Variants in AOX1 observed in about 807,000 individuals in gnomAD.
The protein encoded by AOX1 is aldehyde oxidase.
A neutral mutation model predicts 169.5 loss-of-function variants in AOX1; 153 were observed. The ratio of observed to expected loss-of-function variants is 0.90; its 90% CI spans 0.79 to 1.03. AOX1 has a LOEUF of 1.03. Among genes scored for constraint, AOX1 ranks in the 50% least tolerant of loss-of-function variants. The pLI, the probability that AOX1 is intolerant of heterozygous loss-of-function variation, is 0.00. For missense variants in AOX1, 1,656 were observed against 1,663.9 expected (o/e 1.00, Z 0.08); for synonymous variants, 562 against 581.9 (o/e 0.97, Z 0.49).
At chr2:200,660,106 G>A (rs1229484800) in intron 29 of AOX1, 37 bp downstream of exon 29, 1 of 1,553,586 alleles carries the variant, frequency 6.4e-7, no homozygotes, top group Admixed American at 1.7e-5. Flanking sequence ...TATTTTAGAA[G>A]AAAAAGGAGT....
intron 30 of AOX1, 29 bp from the exon 31 acceptor site, chr2:200,662,826 C>T (rs749449199): frequency 6.4e-7 from 1 of 1,572,988 alleles, no homozygotes; most frequent in Admixed American, 1.7e-5. Flanking sequence ...GGGACGTGAT[C>T]ACTTAACAAC....
downstream of AOX1, among the ~76,000 whole-genome samples, chr2:200,680,034 G>A (rs545905382): frequency 2.6e-5 from 4 of 152,170 alleles, no homozygotes; most frequent in East Asian, 1.9e-4. Flanking sequence ...AGCTATGATC[G>A]GGTCACCATA....
At chr2:200,665,287 TAGG>T (rs1286349138) in intron 31 of AOX1, among the ~76,000 whole-genome samples, 1 of 152,180 alleles carries the variant, frequency 6.6e-6, no homozygotes, top group African/African-American at 2.4e-5. Flanking sequence ...TGGTAGAGTA[TAGG>T]AGGAGACTAC....
chr2:200,649,173 C>T (rs916940314), intron 25 of AOX1, among the ~76,000 whole-genome samples: 1 of 152,018 alleles, frequency 6.6e-6, no homozygotes, highest in Non-Finnish European at 1.5e-5. Flanking sequence ...GAGTTTCACC[C>T]CCTACTTCTC....
Position 200,641,186 on chromosome 2 carries a change from T to TCC in AOX1, c.2655+2_2655+3insCC. 6.3e-7 allele frequency: 1 copy of TCC among 1,596,858 alleles called. No homozygotes were observed. Among genetic ancestry groups the TCC allele is most frequent in the Non-Finnish European group, 8.6e-7 (1 of 1,164,650 alleles). On this transcript the variant is annotated splice_region_variant and intron_variant, in intron 24 of 34. Coordinates refer to ENST00000374700, the MANE Select transcript of AOX1 (RefSeq NM_001159.4). ...GCCTCCTTGGATGAATCATTATTCG[T>TCC]AAGTGTTTTAAGGAGCAAGTTCACA... is the stretch of plus-strand genomic sequence containing the variant.
Position 200,638,293 on chromosome 2 carries a change from A to C in AOX1, c.2559A>C (p.Gly853=). The C allele has an allele frequency of 6.2e-7, 1 of 1,613,614 alleles. No homozygotes were observed. The part of the protein sequence containing the change: ...LITGGRHPYL[G]KYKAGFMNDG... The stretch of plus-strand genomic sequence containing the variant: ...CTGGAGGCCGCCATCCTTACCTTGG[A>C]AAGTACAAAGTGAGTACAAGAGGGC... Residue 853 remains glycine (G), a synonymous_variant, in exon 23 of 35, where the codon GGA becomes GGC. Transcript: ENST00000374700.
At chr2:200,613,027 T>TGTGTGTGAGA (rs112472592) in intron 14 of AOX1, among the ~76,000 whole-genome samples, 6,227 of 146,110 alleles carry the variant, frequency 0.043, 370 homozygotes, top group African/African-American at 0.13. Context: ...TGTGTGTGTG[T>TGTGTGTGAGA]GAGAGAGAGA....
chr2:200,667,446 C>T (rs1357674283), intron 32 of AOX1, among the ~76,000 whole-genome samples: 1 of 144,978 alleles, frequency 6.9e-6, no homozygotes, highest in African/African-American at 2.5e-5. Context: ...TGTCCCCTCC[C>T]CCCCACCCCC....
intron 10 of AOX1, among the ~76,000 whole-genome samples, chr2:200,608,644 C>T (rs2034565755): frequency 6.6e-6 from 1 of 152,162 alleles, no homozygotes; most frequent in Non-Finnish European, 1.5e-5. Flanking sequence ...AAGCATTCAA[C>T]ATAATACTCA....
chr2:200,656,727 C>T, intron 26 of AOX1, 115 bp from the exon 27 acceptor site: 1 of 709,550 alleles, frequency 1.4e-6, no homozygotes, highest in Non-Finnish European at 2.1e-6. Context: ...GTTGCTCCAC[C>T]CTGGGGGGTG....
intron 29 of AOX1, 52 bp downstream of exon 29, chr2:200,660,121 G>A: frequency 2.1e-6 from 3 of 1,445,612 alleles, no homozygotes; most frequent in Non-Finnish European, 2.9e-6. Flanking sequence ...AGGAGTGGGA[G>A]GAGAGCAAGA....
intron 13 of AOX1, among the ~76,000 whole-genome samples, chr2:200,611,956 C>T (rs1214528803): frequency 2.0e-5 from 3 of 152,048 alleles, no homozygotes; most frequent in African/African-American, 4.8e-5. Context: ...TCACCTGCCT[C>T]GGCCTCCCAA....
intron 19 of AOX1, among the ~76,000 whole-genome samples, chr2:200,626,720 C>T (rs1442048897): frequency 1.3e-5 from 2 of 152,218 alleles, no homozygotes; most frequent in South Asian, 2.1e-4. Context: ...ATGAAATGCT[C>T]ATCCCCACAA....
At chr2:200,635,053 A>T (rs2035203255) in intron 21 of AOX1, 138 bp downstream of exon 21, 1 of 1,002,824 alleles carries the variant, frequency 1.0e-6, no homozygotes, top group Admixed American at 2.4e-5. Flanking sequence ...TCAAGGCTTC[A>T]GTGATCTATG....
In AOX1 at chr2:200,659,993, A is replaced by AGG; in HGVS notation, c.3301-1_3301dup. 6.2e-7 allele frequency: 1 copy of AGG among 1,610,318 alleles called. No individual in the cohort carries two copies. Among genetic ancestry groups the AGG allele is most frequent in the Non-Finnish European group, 8.5e-7 (1 of 1,177,476 alleles). On this transcript the variant is annotated splice_acceptor_variant, in intron 28 of 34. Coordinates refer to ENST00000374700, the MANE Select transcript of AOX1 (RefSeq NM_001159.4). LOFTEE classifies it high-confidence loss of function. ...TAATTTTAATTTAAAAATAATCTCT[A>AGG]GGATGCCTGTCAAACTCTTCTAAAA...
intron 4 of AOX1, among the ~76,000 whole-genome samples, chr2:200,598,481 A>G (rs899900328): frequency 2.6e-5 from 4 of 152,196 alleles, no homozygotes; most frequent in African/African-American, 9.7e-5. Context: ...GTGGTAGCTC[A>G]TACCTATAAT....
chr2:200,613,762 T>A (rs2034692761), intron 14 of AOX1, 42 bp from the exon 15 acceptor site: 5 of 1,581,976 alleles, frequency 3.2e-6, no homozygotes, highest in Non-Finnish European at 4.3e-6. Context: ...TATGGGGTAA[T>A]AAACCCTGTC....
chr2:200,590,567 A>T (rs769819895), intron 1 of AOX1, among the ~76,000 whole-genome samples: 6 of 151,846 alleles, frequency 4.0e-5, no homozygotes. Context: ...ACATCAAAAC[A>T]ACAACAACAA....
intron 1 of AOX1, 43 bp from the exon 2 acceptor site, chr2:200,593,103 A>T: frequency 6.9e-7 from 1 of 1,451,400 alleles, no homozygotes; most frequent in Non-Finnish European, 9.7e-7. Flanking sequence ...TGTGAATTTC[A>T]TATTAGCTCT....
Sources: gnomAD v4.1 joint callset for allele counts (sites outside exome capture counted in the v4.1 genomes callset) on GRCh38, gnomAD v4.1.1 for gene constraint, MANE v1.5 for transcripts, NCBI Gene and HGNC (gene_info 2026-07-23, HGNC 2026-07-21) for gene names.